The following PDE11A variants were observed in gnomAD, a reference collection of about 807,000 sequenced individuals.
PDE11A encodes the protein phosphodiesterase 11A.
Under a neutral mutation model 100.5 loss-of-function variants are expected in PDE11A, and 100 were observed. The ratio of observed to expected loss-of-function variants is 1.00; its 90% CI spans 0.85 to 1.18. The LOEUF (loss-of-function observed/expected upper bound fraction) is 1.18, where lower values mean the gene tolerates loss of function less well. Among genes scored for constraint, PDE11A ranks in the 50% most tolerant of loss-of-function variants. PDE11A has a pLI of 0.00. For missense variants in PDE11A, 1,141 were observed against 1,152.6 expected, an observed-to-expected ratio of 0.99 and a Z score of 0.15; for synonymous variants, 381 against 420.8, an observed-to-expected ratio of 0.91 and a Z score of 1.16.
intron 9 of PDE11A, among the ~76,000 whole-genome samples, chr2:177,783,548 C>T (rs2082485787): frequency 6.6e-6 from 1 of 152,230 alleles, no homozygotes; most frequent in South Asian, 2.1e-4. Context: ...TCCTGAGGCC[C>T]TGCAAGCTAA....
At chr2:178,086,894 C>A (rs1231035495) in intron 2 of PDE11A, among the ~76,000 whole-genome samples, 1 of 152,132 alleles carries the variant, frequency 6.6e-6, no homozygotes, top group Non-Finnish European at 1.5e-5. Context: ...TCAGTTTTCT[C>A]AACTTTAAAA....
chr2:177,673,961 G>C lies in PDE11A; in HGVS notation c.2487+1494C>G, dbSNP rs369043991. 9.9e-4 allele frequency among the ~76,000 whole-genome samples: 151 copies of C among 152,226 alleles called. 2 individuals are homozygous for C. The highest frequency in any genetic ancestry group is 3.6e-3 in the African/African-American group (148 of 41,528). Reference sequence around the variant, plus strand: ...CAATACAGAATAAGGACAAAGTGGCGCCTGCCAACCCTAGGTGCCCATGTT... The same window carrying C: ...CAATACAGAATAAGGACAAAGTGGCCCCTGCCAACCCTAGGTGCCCATGTT... On this transcript the variant is annotated intron_variant, in intron 17 of 19. Transcript: ENST00000286063.
At chr2:177,897,111 T>C (rs2084623778) in intron 4 of PDE11A, among the ~76,000 whole-genome samples, 1 of 152,206 alleles carries the variant, frequency 6.6e-6, no homozygotes, top group Non-Finnish European at 1.5e-5. Flanking sequence ...TAATCTTTTC[T>C]AAGTAAAGTG....
intron 2 of PDE11A, among the ~76,000 whole-genome samples, chr2:178,094,364 A>G (rs1188805401): frequency 6.6e-6 from 1 of 151,792 alleles, no homozygotes; most frequent in Non-Finnish European, 1.5e-5. Flanking sequence ...CCCCATCTCT[A>G]CAAAAAATAG....
chr2:178,077,075 C>G (rs1210535299), upstream of PDE11A, among the ~76,000 whole-genome samples: 1 of 152,060 alleles, frequency 6.6e-6, no homozygotes, highest in African/African-American at 2.4e-5. Flanking sequence ...GCCTATCAAG[C>G]CTATATAATA....
At chr2:178,080,788 A>G (rs984795847) in intron 2 of PDE11A, among the ~76,000 whole-genome samples, 1 of 152,136 alleles carries the variant, frequency 6.6e-6, no homozygotes, top group Admixed American at 6.5e-5. Context: ...TATTACTCCC[A>G]AGAGTAACTT....
At chr2:177,939,061 G>A (rs1184822462) in intron 2 of PDE11A, among the ~76,000 whole-genome samples, 2 of 152,188 alleles carry the variant, frequency 1.3e-5, no homozygotes, top group African/African-American at 2.4e-5. Flanking sequence ...ATACATTTCT[G>A]TTGTTTAAGC....
rs541561939 is a variant in PDE11A, at chr2:177,649,009, T to C, written c.2646+14857A>G. On this transcript the variant is annotated intron_variant, in intron 19 of 19. Coordinates refer to ENST00000286063, the MANE Select transcript of PDE11A (RefSeq NM_016953.4). ...CAAATGGCTTCTAAGTAAATAAATC[T>C]ATACTAAAAATATGATCATACTTAT... Among the ~76,000 whole-genome samples, 124 of 152,282 alleles carry C rather than the reference T, an allele frequency of 8.1e-4. 1 individual carries two copies. Among genetic ancestry groups the C allele is most frequent in the African/African-American group, 3.0e-3 (124 of 41,580 alleles).
chr2:177,714,812 CA>C (rs1361950852), intron 12 of PDE11A, among the ~76,000 whole-genome samples: 1 of 152,208 alleles, frequency 6.6e-6, no homozygotes, highest in Admixed American at 6.5e-5. Flanking sequence ...AAATGCTTCT[CA>C]AAGCAATTTT....
intron 12 of PDE11A, among the ~76,000 whole-genome samples, chr2:177,718,346 G>T (rs2081474172): frequency 6.6e-6 from 1 of 152,192 alleles, no homozygotes; most frequent in Non-Finnish European, 1.5e-5. Context: ...TACTTACTGT[G>T]CTACACAGCC....
intron 15 of PDE11A, 56 bp downstream of exon 15, chr2:177,697,276 G>A (rs940185684): frequency 7.0e-6 from 6 of 856,204 alleles, no homozygotes; most frequent in Non-Finnish European, 1.2e-5. Context: ...TAGACCTGGA[G>A]ATTAGTTACA....
intron 1 of PDE11A, among the ~76,000 whole-genome samples, chr2:178,060,516 T>C (rs923625824): frequency 6.6e-6 from 1 of 152,160 alleles, no homozygotes; most frequent in Non-Finnish European, 1.5e-5. Context: ...GGCAACCTCT[T>C]AAGACAGAAG....
intron 6 of PDE11A, among the ~76,000 whole-genome samples, chr2:177,823,647 A>C (rs2083180314): frequency 6.6e-6 from 1 of 152,192 alleles, no homozygotes; most frequent in Admixed American, 6.5e-5. Context: ...TATCTTCCAA[A>C]AAAACAAACT....
At chr2:177,764,119 A>G (rs2082207952) in intron 10 of PDE11A, among the ~76,000 whole-genome samples, 1 of 152,260 alleles carries the variant, frequency 6.6e-6, no homozygotes, top group African/African-American at 2.4e-5. Flanking sequence ...AAAGGAGGTC[A>G]TAAGATCCTA....
intron 6 of PDE11A, among the ~76,000 whole-genome samples, chr2:177,829,609 A>ATT (rs1558959696): frequency 4.1e-5 from 4 of 96,904 alleles, no homozygotes; most frequent in Non-Finnish European, 8.7e-5. Flanking sequence ...ACTCCTGGCT[A>ATT]ATTTTTTTTT....
chr2:177,932,974 T>C (rs2085226261), intron 2 of PDE11A, among the ~76,000 whole-genome samples: 1 of 152,206 alleles, frequency 6.6e-6, no homozygotes, highest in African/African-American at 2.4e-5. Flanking sequence ...GGTTTCAGGA[T>C]GTAAAATTAA....
intron 1 of PDE11A, among the ~76,000 whole-genome samples, chr2:178,027,769 G>C (rs1476572871): frequency 1.3e-5 from 2 of 152,020 alleles, no homozygotes; most frequent in Non-Finnish European, 2.9e-5. Context: ...TACTATAATT[G>C]GGCAATGTTC....
chr2:177,855,732 TG>T lies in PDE11A; in HGVS notation c.1368-15350del, dbSNP rs200119111. ...CAGCCTTTACCCCCAGGGATATTTGTGGGGAAAAGTCAGCAGTAATTGTTTA... is the reference window on the plus strand; with the variant it reads ...CAGCCTTTACCCCCAGGGATATTTGTGGGAAAAGTCAGCAGTAATTGTTTA... On this transcript the variant is annotated intron_variant, in intron 5 of 19. Transcript: ENST00000286063. 7.2e-3 allele frequency among the ~76,000 whole-genome samples: 1,102 copies of T among 152,072 alleles called. 13 individuals carry two copies. The highest frequency in any genetic ancestry group is 0.025 in the African/African-American group (1,026 of 41,486).
At chr2:177,928,871 A>C (rs2085167531) in intron 2 of PDE11A, among the ~76,000 whole-genome samples, 1 of 151,960 alleles carries the variant, frequency 6.6e-6, no homozygotes, top group Admixed American at 6.5e-5. Flanking sequence ...TCAAAAAAAA[A>C]TAAATACATA....
Sources: gnomAD v4.1 joint callset for allele counts (sites outside exome capture counted in the v4.1 genomes callset) on GRCh38, gnomAD v4.1.1 for gene constraint, MANE v1.5 for transcripts, NCBI Gene and HGNC (gene_info 2026-07-23, HGNC 2026-07-21) for gene names.